The following MAGI2 variants were observed in gnomAD, a reference collection of about 807,000 sequenced individuals.
MAGI2 encodes membrane-associated guanylate kinase, WW and PDZ domain-containing protein 2.
In MAGI2, 35 loss-of-function variants were observed where a neutral mutation model predicts 133.3. The observed-to-expected ratio is 0.26, with a 90% confidence interval of 0.20 to 0.35. The LOEUF (loss-of-function observed/expected upper bound fraction) is 0.35, where lower values mean the gene tolerates loss of function less well. Ranked by LOEUF, MAGI2 falls within the 10% of genes least tolerant of loss-of-function variation. MAGI2 has a pLI of 1.00. For missense variants in MAGI2, 1,636 were observed against 1,863.4 expected (o/e 0.88, Z 2.25); for synonymous variants, 729 against 710.6 (o/e 1.03, Z -0.41).
chr7:78,645,410 C>T (rs573328552), intron 2 of MAGI2, among the ~76,000 whole-genome samples: 2 of 152,142 alleles, frequency 1.3e-5, no homozygotes, highest in East Asian at 1.9e-4. Context: ...AAACTAATAA[C>T]ATTTTAGCAA....
chr7:78,736,802 CTT>C (rs1821898210), intron 2 of MAGI2, among the ~76,000 whole-genome samples: 3 of 152,122 alleles, frequency 2.0e-5, no homozygotes, highest in African/African-American at 2.4e-5. Context: ...GTGTCGAAGT[CTT>C]TTAAGAATGT....
chr7:78,899,856 C>T (rs936276154), intron 2 of MAGI2, among the ~76,000 whole-genome samples: 6 of 152,166 alleles, frequency 3.9e-5, no homozygotes, highest in Admixed American at 3.3e-4. Context: ...GGTATACATA[C>T]AGGAAAAACA....
chr7:78,997,112 T>G (rs1395218822), intron 2 of MAGI2, among the ~76,000 whole-genome samples: 1 of 152,196 alleles, frequency 6.6e-6, no homozygotes, highest in Admixed American at 6.6e-5. Flanking sequence ...AAGTTATTAT[T>G]GATGCATACA....
chr7:79,360,291 G>A (rs1323746720), intron 1 of MAGI2, among the ~76,000 whole-genome samples: 1 of 152,064 alleles, frequency 6.6e-6, no homozygotes, highest in Non-Finnish European at 1.5e-5. Flanking sequence ...TTCATGGCAA[G>A]GTTATCTTGG....
chr7:79,235,207 CA>C (rs1488110783), intron 1 of MAGI2, among the ~76,000 whole-genome samples: 2 of 152,302 alleles, frequency 1.3e-5, no homozygotes, highest in Admixed American at 6.5e-5. Flanking sequence ...AGCTGTCAGA[CA>C]GGGACATTTA....
At chr7:78,854,770 T>A (rs1028223286) in intron 2 of MAGI2, among the ~76,000 whole-genome samples, 3 of 152,208 alleles carry the variant, frequency 2.0e-5, no homozygotes, top group Non-Finnish European at 4.4e-5. Context: ...TCTCTGTACT[T>A]CTTGTTACAG....
chr7:78,048,935 G>A (rs553832894), intron 21 of MAGI2, among the ~76,000 whole-genome samples: 3 of 127,656 alleles, frequency 2.4e-5, no homozygotes, highest in South Asian at 2.8e-4. Flanking sequence ...GGTGAAACCC[G>A]TCTCTACTAA....
rs1417813176 is a variant in MAGI2, at chr7:78,066,060, T to C, written c.3706+12887A>G. ...CAGTCACAGTAATCATTTCTAAATTTTAAAAGGATTATAAAAATAAATACG... is the reference window on the plus strand; with the variant it reads ...CAGTCACAGTAATCATTTCTAAATTCTAAAAGGATTATAAAAATAAATACG... On this transcript the variant is annotated intron_variant, in intron 21 of 21. Coordinates refer to ENST00000354212, the MANE Select transcript of MAGI2 (RefSeq NM_012301.4). 7.6e-4 allele frequency among the ~76,000 whole-genome samples: 116 copies of C among 152,182 alleles called. 2 individuals are homozygous for C. The highest frequency in any genetic ancestry group is 1.9e-4 in the Non-Finnish European group (13 of 68,038).
chr7:78,392,137 C>T (rs867425428), intron 6 of MAGI2, among the ~76,000 whole-genome samples: 11 of 152,096 alleles, frequency 7.2e-5, no homozygotes, highest in Non-Finnish European at 1.5e-4. Flanking sequence ...TACTTGGAGA[C>T]GTAAAAGTAT....
chr7:78,152,517 C>T (rs1180286434), intron 16 of MAGI2, among the ~76,000 whole-genome samples: 1 of 152,212 alleles, frequency 6.6e-6, no homozygotes, highest in African/African-American at 2.4e-5. Flanking sequence ...TAGCAACGAT[C>T]TACCACTCCC....
chr7:78,598,121 T>C, intron 3 of MAGI2, among the ~76,000 whole-genome samples: 1 of 152,336 alleles, frequency 6.6e-6, no homozygotes, highest in East Asian at 1.9e-4. Flanking sequence ...TAATTTAAAA[T>C]TAAAATATAT....
intron 1 of MAGI2, among the ~76,000 whole-genome samples, chr7:79,131,623 A>G (rs1466343679): frequency 2.0e-5 from 3 of 152,132 alleles, no homozygotes; most frequent in Admixed American, 6.6e-5. Flanking sequence ...GGGTTTGCTA[A>G]CTCTAAATTT....
intron 9 of MAGI2, among the ~76,000 whole-genome samples, chr7:78,281,737 C>G (rs1292924288): frequency 6.6e-6 from 1 of 152,088 alleles, no homozygotes; most frequent in Non-Finnish European, 1.5e-5. Flanking sequence ...TACACATTAT[C>G]CTGAGGTATT....
intron 1 of MAGI2, among the ~76,000 whole-genome samples, chr7:79,375,523 CT>C (rs1483576165): frequency 1.3e-5 from 2 of 151,948 alleles, no homozygotes; most frequent in Non-Finnish European, 2.9e-5. Context: ...CCTTCATGTG[CT>C]TTAATAACAA....
intron 2 of MAGI2, chr7:78,904,207 C>T (rs1344613886): frequency 2.6e-5 from 4 of 151,772 alleles, no homozygotes; most frequent in Non-Finnish European, 5.9e-5. Context: ...GCCAGAGGAG[C>T]GAAGGATGCT....
intron 10 of MAGI2, among the ~76,000 whole-genome samples, chr7:78,242,391 C>A (rs1791251316): frequency 6.6e-6 from 1 of 152,202 alleles, no homozygotes; most frequent in African/African-American, 2.4e-5. Flanking sequence ...GGAACACATG[C>A]ACTGCAACTT....
chr7:78,387,693 G>C (rs1795512044), intron 6 of MAGI2, among the ~76,000 whole-genome samples: 1 of 152,176 alleles, frequency 6.6e-6, no homozygotes, highest in Non-Finnish European at 1.5e-5. Context: ...TTGAGAGGCT[G>C]AGGCGGGCAG....
chr7:78,706,853 T>A (rs1174489054), intron 2 of MAGI2, among the ~76,000 whole-genome samples: 1 of 151,744 alleles, frequency 6.6e-6, no homozygotes, highest in African/African-American at 2.4e-5. Context: ...AATGGGAAAA[T>A]AGCAGTAAGG....
intron 6 of MAGI2, among the ~76,000 whole-genome samples, chr7:78,479,736 G>C (rs565462077): frequency 2.0e-5 from 3 of 152,020 alleles, no homozygotes; most frequent in Admixed American, 6.6e-5. Context: ...TAGGCCATGA[G>C]CCAGGAAAAA....
Sources: allele counts gnomAD v4.1 joint callset (sites outside exome capture counted in the v4.1 genomes callset), GRCh38; gene constraint gnomAD v4.1.1; transcripts MANE v1.5; gene names NCBI Gene and HGNC (gene_info 2026-07-23, HGNC 2026-07-21).